Variants in PCDH15 observed in about 807,000 individuals in gnomAD.
PCDH15 encodes protocadherin related 15, also known as protocadherin-15.
PCDH15 carries 129 observed loss-of-function variants against 178.5 expected under a neutral mutation model. The observed-to-expected ratio is 0.72, with a 90% confidence interval of 0.63 to 0.84. The LOEUF is 0.84. Ranked by LOEUF, PCDH15 falls within the 40% of genes least tolerant of loss-of-function variation. The probability of loss-of-function intolerance (pLI) is 0.00; values close to 1 mark genes in which losing one functional copy is unlikely to be tolerated. For synonymous variants in PCDH15, 800 were observed against 732.0 expected (o/e 1.09, Z -1.50); for missense variants, 2,230 against 2,099.9 (o/e 1.06, Z -1.21).
At chr10:54,488,277 C>G (rs576479356) in intron 3 of PCDH15, among the ~76,000 whole-genome samples, 1 of 151,602 alleles carries the variant, frequency 6.6e-6, no homozygotes, top group East Asian at 1.9e-4. Context: ...TTATATTAAA[C>G]CCAAATTAAT....
chr10:54,623,585 T>C (rs530707775), intron 2 of PCDH15, among the ~76,000 whole-genome samples: 1 of 152,276 alleles, frequency 6.6e-6, no homozygotes, highest in Admixed American at 6.5e-5. Flanking sequence ...AAATGTTGAC[T>C]GAACTATTTC....
chr10:54,578,150 G>A (rs1372408131), intron 2 of PCDH15, among the ~76,000 whole-genome samples: 1 of 151,934 alleles, frequency 6.6e-6, no homozygotes, highest in Admixed American at 6.6e-5. Flanking sequence ...TAGCCTTTTT[G>A]AAGTACTTTT....
At chr10:55,138,917 A>G (rs1838275589) in intron 2 of PCDH15, among the ~76,000 whole-genome samples, 1 of 152,064 alleles carries the variant, frequency 6.6e-6, no homozygotes, top group Non-Finnish European at 1.5e-5. Context: ...GTTGAGATTT[A>G]TCTATAGCGT....
chr10:54,584,825 G>A (rs1043654425), intron 2 of PCDH15, among the ~76,000 whole-genome samples: 4 of 152,026 alleles, frequency 2.6e-5, no homozygotes, highest in South Asian at 2.1e-4. Flanking sequence ...TAAATAAAAA[G>A]AATGTGACCA....
chr10:55,510,230 T>C (rs1473946454), intron 2 of PCDH15, among the ~76,000 whole-genome samples: 3 of 152,016 alleles, frequency 2.0e-5, no homozygotes, highest in African/African-American at 7.2e-5. Flanking sequence ...TTTTGAATAT[T>C]TGGATGGGAA....
chr10:53,806,193 G>GAAAAT lies in PCDH15; in HGVS notation c.*381_*385dup, dbSNP rs1841142410. On this transcript the variant is annotated 3_prime_UTR_variant, in exon 38 of 38. Coordinates refer to ENST00000644397, the MANE Select transcript of PCDH15 (RefSeq NM_001384140.1). The stretch of plus-strand genomic sequence containing the variant: ...CTTCTTTTTTGCCCTTTTGGCTATG[G>GAAAAT]AAAATAAAATTACATGTACTAAAAA... The GAAAAT allele has an allele frequency of 5.7e-5, 10 of 176,504 alleles. No individual in the cohort carries two copies. 10.9% of individuals were successfully genotyped at this position (176,504 alleles called of 1,614,324 possible).
At chr10:54,636,853 C>A (rs2093865745) in intron 2 of PCDH15, among the ~76,000 whole-genome samples, 1 of 151,620 alleles carries the variant, frequency 6.6e-6, no homozygotes, top group East Asian at 1.9e-4. Flanking sequence ...TATTATTTTC[C>A]AGTACTAGAA....
At chr10:54,877,936 CTCTTTTTTTTTTTTTTTTTTTTTTTTTTT>C (rs1462878476) in intron 3 of PCDH15, among the ~76,000 whole-genome samples, 4 of 104,352 alleles carry the variant, frequency 3.8e-5, no homozygotes, top group Non-Finnish European at 8.0e-5. Flanking sequence ...CTCTCTCTCT[CTCTTTTTTTTTTTTTTTTTTTTTTTTTTT>C]TTTTTTTTTT....
At chr10:55,183,478 T>G (rs1839709520) in intron 1 of PCDH15, among the ~76,000 whole-genome samples, 1 of 151,920 alleles carries the variant, frequency 6.6e-6, no homozygotes, top group African/African-American at 2.4e-5. Context: ...GTTTTCATGG[T>G]GCACACCTGT....
chr10:54,878,188 C>T (rs1954188011), intron 3 of PCDH15, among the ~76,000 whole-genome samples: 1 of 151,926 alleles, frequency 6.6e-6, no homozygotes, highest in Non-Finnish European at 1.5e-5. Flanking sequence ...GTCTCAAACT[C>T]CTGACCTCAG....
At chr10:54,411,888 T>C (rs978320204) in intron 3 of PCDH15, among the ~76,000 whole-genome samples, 4 of 152,204 alleles carry the variant, frequency 2.6e-5, no homozygotes, top group Non-Finnish European at 1.5e-5. Context: ...GACTAGATTA[T>C]TTAATTTATT....
At position 53,806,642 on chromosome 10, in the gene PCDH15, A is replaced by AGACT; in HGVS notation, c.5156_5159dup (p.Asp1721ValfsTer2). ...GGCCCATCCAAAGCTCTTCATCATC[A>AGACT]GACTGTGTGTGGTCACTATGAAATT... On this transcript the variant is annotated frameshift_variant, in exon 38 of 38. Coordinates refer to ENST00000644397, the MANE Select transcript of PCDH15 (RefSeq NM_001384140.1). LOFTEE classifies it high-confidence loss of function. 1 of 1,613,796 alleles carries AGACT rather than the reference A, an allele frequency of 6.2e-7. No homozygotes were observed. The highest frequency in any genetic ancestry group is 8.5e-7 in the Non-Finnish European group (1 of 1,179,764).
intron 8 of PCDH15, among the ~76,000 whole-genome samples, chr10:54,274,746 C>A (rs1397060805): frequency 6.6e-6 from 1 of 151,424 alleles, no homozygotes; most frequent in East Asian, 1.9e-4. Flanking sequence ...ATCATATTGA[C>A]AGATAAAGGA....
intron 18 of PCDH15, among the ~76,000 whole-genome samples, chr10:54,040,433 G>T (rs1176448868): frequency 6.6e-6 from 1 of 151,958 alleles, no homozygotes; most frequent in Admixed American, 6.6e-5. Context: ...TTTCTGCCAT[G>T]ATTGTGAGGC....
chr10:54,927,743 A>G (rs1293985705), intron 2 of PCDH15, among the ~76,000 whole-genome samples: 2 of 152,058 alleles, frequency 1.3e-5, no homozygotes, highest in African/African-American at 4.8e-5. Context: ...TTCATCTGAA[A>G]TTTAGGATTG....
intron 15 of PCDH15, among the ~76,000 whole-genome samples, chr10:54,130,816 G>C (rs1451819453): frequency 6.6e-6 from 1 of 152,190 alleles, no homozygotes; most frequent in Non-Finnish European, 1.5e-5. Context: ...GAGGCAGCCA[G>C]GGTACCTCCA....
intron 2 of PCDH15, among the ~76,000 whole-genome samples, chr10:55,568,552 G>A (rs1046214177): frequency 6.6e-6 from 1 of 151,650 alleles, no homozygotes; most frequent in African/African-American, 2.4e-5. Context: ...AAACAAATAA[G>A]AATAAATAAA....
chr10:55,463,330 G>A (rs1475512125), intron 2 of PCDH15, among the ~76,000 whole-genome samples: 2 of 152,012 alleles, frequency 1.3e-5, no homozygotes, highest in Non-Finnish European at 2.9e-5. Context: ...ATGATGATAT[G>A]TATTCTAGCC....
At chr10:53,911,501 A>C (rs1476293038) in intron 25 of PCDH15, among the ~76,000 whole-genome samples, 1 of 152,196 alleles carries the variant, frequency 6.6e-6, no homozygotes, top group Non-Finnish European at 1.5e-5. Flanking sequence ...CCCACAAGAG[A>C]AAGCAGGAAA....
Sources: gnomAD v4.1 joint callset for allele counts (sites outside exome capture counted in the v4.1 genomes callset) on GRCh38, gnomAD v4.1.1 for gene constraint, MANE v1.5 for transcripts, NCBI Gene and HGNC (gene_info 2026-07-23, HGNC 2026-07-21) for gene names.